FMN1: variants seen among roughly 807,000 people sequenced by gnomAD.
The protein encoded by FMN1 is formin-1.
In FMN1, 110 loss-of-function variants were observed where a neutral mutation model predicts 132.4. The ratio of observed to expected loss-of-function variants is 0.83; its 90% CI spans 0.71 to 0.97. FMN1 has a LOEUF of 0.97. FMN1 is among the 50% of genes least tolerant of loss of function. FMN1 has a pLI of 0.00. For synonymous variants in FMN1, 722 were observed against 651.7 expected, an observed-to-expected ratio of 1.11 and a Z score of -1.64; for missense variants, 1,792 against 1,705.3, an observed-to-expected ratio of 1.05 and a Z score of -0.90.
intron 12 of FMN1, among the ~76,000 whole-genome samples, chr15:32,906,307 T>C (rs568458755): frequency 4.1e-4 from 63 of 152,362 alleles, no homozygotes; most frequent in Middle Eastern, 3.4e-3. Context: ...ATGTTTACGT[T>C]TCTAAATTGT....
chr15:33,124,667 T>C (rs1427593936), intron 4 of FMN1, among the ~76,000 whole-genome samples: 1 of 152,152 alleles, frequency 6.6e-6, no homozygotes, highest in African/African-American at 2.4e-5. Flanking sequence ...AATAAAAATA[T>C]CTGAGATTAT....
At chr15:32,946,737 T>C (rs1409640436) in intron 9 of FMN1, among the ~76,000 whole-genome samples, 1 of 152,152 alleles carries the variant, frequency 6.6e-6, no homozygotes, top group Admixed American at 6.5e-5. Context: ...TAGGTATAGC[T>C]GTGGGAGGTA....
At chr15:32,898,233 T>C (rs1186009314) in intron 15 of FMN1, among the ~76,000 whole-genome samples, 3 of 152,228 alleles carry the variant, frequency 2.0e-5, no homozygotes, top group South Asian at 2.1e-4. Flanking sequence ...TTCATATCGA[T>C]TGCTATATTT....
At chr15:33,032,687 C>G (rs970894741) in intron 6 of FMN1, among the ~76,000 whole-genome samples, 2 of 152,148 alleles carry the variant, frequency 1.3e-5, no homozygotes, top group Admixed American at 1.3e-4. Context: ...TCCAATCAAG[C>G]ATTGATGAGT....
intron 17 of FMN1, among the ~76,000 whole-genome samples, chr15:32,844,291 C>A (rs2058810611): frequency 6.6e-6 from 1 of 152,092 alleles, no homozygotes; most frequent in Non-Finnish European, 1.5e-5. Flanking sequence ...CTTTGTGGAT[C>A]CCAAGGATCA....
intron 5 of FMN1, chr15:33,066,894 T>TCTTCTCACTTCTCA: frequency 4.3e-6 from 7 of 1,613,942 alleles, no homozygotes; most frequent in Non-Finnish European, 5.9e-6. Flanking sequence ...TCAGTTGCTT[T>TCTTCTCACTTCTCA]CTTCTCACTC....
chr15:33,129,168 C>G (rs138121583), intron 4 of FMN1, among the ~76,000 whole-genome samples: 214 of 152,266 alleles, frequency 1.4e-3, no homozygotes, highest in Non-Finnish European at 1.1e-3. Flanking sequence ...CAATGTAACT[C>G]GGAGAAAACA....
intron 7 of FMN1, among the ~76,000 whole-genome samples, chr15:32,982,652 G>A (rs552686209): frequency 1.3e-4 from 20 of 152,192 alleles, no homozygotes; most frequent in African/African-American, 2.6e-4. Flanking sequence ...CCTAATGTAG[G>A]TGGGCCTCAT....
At chr15:32,813,806 T>G (rs1214539782) in intron 17 of FMN1, among the ~76,000 whole-genome samples, 1 of 152,236 alleles carries the variant, frequency 6.6e-6, no homozygotes, top group African/African-American at 2.4e-5. Flanking sequence ...TGGATTACAC[T>G]AATAGTCACA....
At chr15:32,859,628 T>C (rs2059217017) in intron 16 of FMN1, among the ~76,000 whole-genome samples, 1 of 152,238 alleles carries the variant, frequency 6.6e-6, no homozygotes, top group Non-Finnish European at 1.5e-5. Flanking sequence ...ATGTTTTACC[T>C]TTAATATTTA....
At chr15:32,889,670 C>G (rs528685342) in intron 15 of FMN1, among the ~76,000 whole-genome samples, 1 of 152,298 alleles carries the variant, frequency 6.6e-6, no homozygotes, top group East Asian at 1.9e-4. Flanking sequence ...AGTCTTAAAA[C>G]AAACGTCCTT....
At chr15:32,918,468 G>A (rs1022059988) in intron 10 of FMN1, among the ~76,000 whole-genome samples, 2 of 152,098 alleles carry the variant, frequency 1.3e-5, no homozygotes, top group Admixed American at 6.6e-5. Flanking sequence ...ATGGACAATC[G>A]CAAAAGGGAT....
chr15:32,791,059 C>T lies in FMN1; in HGVS notation c.4130+7745G>A, dbSNP rs996793537. Among the ~76,000 whole-genome samples, 18 of 151,994 alleles carry T rather than the reference C, an allele frequency of 1.2e-4. No homozygotes were observed. In the East Asian group the frequency reaches 2.7e-3, roughly 23 times the overall value. On this transcript the variant is annotated intron_variant, in intron 19 of 20. Transcript: ENST00000616417. ...TCAGCAGGAAATAATGGGGGGAATG[C>T]GGTATGAAGAAATTATCCAGTGAGA...
At chr15:33,006,516 A>G (rs1471946598) in intron 7 of FMN1, among the ~76,000 whole-genome samples, 1 of 152,180 alleles carries the variant, frequency 6.6e-6, no homozygotes, top group East Asian at 1.9e-4. Flanking sequence ...TTACCATATG[A>G]CCTAGAAATC....
chr15:33,116,550 A>C (rs924634008), intron 4 of FMN1, among the ~76,000 whole-genome samples: 5 of 152,044 alleles, frequency 3.3e-5, no homozygotes, highest in African/African-American at 1.2e-4. Flanking sequence ...TGCTCAATTA[A>C]ATTCTGTTAA....
chr15:33,120,612 G>T (rs1045920474), intron 4 of FMN1, among the ~76,000 whole-genome samples: 1 of 36,382 alleles, frequency 2.7e-5, no homozygotes, highest in Non-Finnish European at 5.0e-5. Context: ...CCAAGATACT[G>T]TTCGGCAGCT....
At chr15:32,994,272 TG>T (rs1009230567) in intron 7 of FMN1, among the ~76,000 whole-genome samples, 1 of 149,066 alleles carries the variant, frequency 6.7e-6, no homozygotes, top group Non-Finnish European at 1.5e-5. Flanking sequence ...ACACGTAACC[TG>T]GGTCTCGATA....
chr15:32,817,114 G>T (rs1881537), intron 17 of FMN1, among the ~76,000 whole-genome samples: 21,696 of 152,104 alleles, frequency 0.14, 1,904 homozygotes, highest in East Asian at 0.46. Context: ...CTATTTACAC[G>T]AAACCTCTGA....
At chr15:33,161,059 A>G (rs1326954193) in intron 3 of FMN1, among the ~76,000 whole-genome samples, 1 of 152,146 alleles carries the variant, frequency 6.6e-6, no homozygotes, top group East Asian at 1.9e-4. Context: ...CAGACATCCT[A>G]ATTGATTTTG....
Sources: gnomAD v4.1 joint callset for allele counts (sites outside exome capture counted in the v4.1 genomes callset) on GRCh38, gnomAD v4.1.1 for gene constraint, MANE v1.5 for transcripts, NCBI Gene and HGNC (gene_info 2026-07-23, HGNC 2026-07-21) for gene names.